DNAH5: variants seen among roughly 807,000 people sequenced by gnomAD.
The protein encoded by DNAH5 is axonemal beta dynein heavy chain 5.
DNAH5 carries 372 observed loss-of-function variants against 518.2 expected under a neutral mutation model. That is an observed-to-expected ratio of 0.72 (90% confidence interval 0.66 to 0.78). DNAH5 has a LOEUF of 0.78. Among genes scored for constraint, DNAH5 ranks in the 30% least tolerant of loss-of-function variants. DNAH5 has a pLI of 0.00. For synonymous variants in DNAH5, 2,039 were observed against 2,025.9 expected (o/e 1.01, Z -0.17); for missense variants, 5,523 against 5,687.0 (o/e 0.97, Z 0.93).
chr5:14,010,079 C>A (rs1329270407), intron 1 of DNAH5, among the ~76,000 whole-genome samples: 2 of 151,894 alleles, frequency 1.3e-5, no homozygotes, highest in Non-Finnish European at 2.9e-5. Context: ...ATTTATATAC[C>A]GTTTTTATTT....
intron 65 of DNAH5, among the ~76,000 whole-genome samples, chr5:13,748,386 T>C (rs1749720527): frequency 6.6e-6 from 1 of 152,184 alleles, no homozygotes; most frequent in African/African-American, 2.4e-5. Flanking sequence ...CCATATGAAC[T>C]TTAAAGTAGT....
chr5:13,954,512 A>G (rs549726636), intron 1 of DNAH5, among the ~76,000 whole-genome samples: 2 of 152,368 alleles, frequency 1.3e-5, no homozygotes, highest in African/African-American at 4.8e-5. Flanking sequence ...AAAAATTAGA[A>G]GGAAAAATGT....
intron 22 of DNAH5, among the ~76,000 whole-genome samples, 160 bp downstream of exon 22, chr5:13,876,524 T>C (rs141564698): frequency 1.3e-5 from 2 of 152,352 alleles, no homozygotes; most frequent in East Asian, 3.9e-4. Flanking sequence ...GAATGAAAGA[T>C]CTTCAGTTAG....
At chr5:13,930,803 T>C (rs1421095452) in intron 2 of DNAH5, among the ~76,000 whole-genome samples, 1 of 152,190 alleles carries the variant, frequency 6.6e-6, no homozygotes, top group Non-Finnish European at 1.5e-5. Flanking sequence ...GAAACGAGAT[T>C]CTGTTCCCCG....
chr5:13,753,127 C>T, intron 63 of DNAH5, 106 bp downstream of exon 63: 1 of 835,726 alleles, frequency 1.2e-6, no homozygotes, highest in Non-Finnish European at 2.0e-6. Flanking sequence ...CCTAGGATTA[C>T]AAAAACATCT....
chr5:13,724,417 G>A lies in DNAH5; in HGVS notation c.12033+3090C>T, dbSNP rs1396507311. The stretch of plus-strand genomic sequence containing the variant: ...ATTGTATCTTGGGAGTAAATAATGT[G>A]TTTTGATTTTACAGGCTCACAGGTG... On this transcript the variant is annotated intron_variant, in intron 70 of 78. Coordinates refer to ENST00000265104, the MANE Select transcript of DNAH5 (RefSeq NM_001369.3). Among the ~76,000 whole-genome samples, 6 of 152,276 alleles carry A rather than the reference G, an allele frequency of 3.9e-5. No individual in the cohort carries two copies. The East Asian group carries it at 1.2e-3, about 29-fold the overall frequency.
rs754172587 is a variant in DNAH5, at chr5:13,900,427, C to G, written c.2053-15G>C. 6.2e-7 allele frequency: 1 copy of G among 1,601,472 alleles called. No individual in the cohort carries two copies. The highest frequency in any genetic ancestry group is 8.6e-7 in the Non-Finnish European group (1 of 1,168,612). On this transcript the variant is annotated splice_polypyrimidine_tract_variant and intron_variant, in intron 14 of 78. Transcript: ENST00000265104. ...ATTTCTTCAATCTGTGGGAAGAAACCAACATCATTACTATCAGAAAGTTCA... is the reference window on the plus strand; with the variant it reads ...ATTTCTTCAATCTGTGGGAAGAAACGAACATCATTACTATCAGAAAGTTCA...
rs149093149 is a variant in DNAH5, at chr5:13,734,108, GC to G, written c.11761+1022del. Among the ~76,000 whole-genome samples the G allele has an allele frequency of 6.6e-3, 1,006 of 152,218 alleles. 15 individuals are homozygous for G. Among genetic ancestry groups the G allele is most frequent in the African/African-American group, 0.023 (937 of 41,534 alleles). On this transcript the variant is annotated intron_variant, in intron 68 of 78. Coordinates refer to ENST00000265104, the MANE Select transcript of DNAH5 (RefSeq NM_001369.3). ...GATTAGATGAGGTCATGAAGGTGGA[GC>G]CCTTAGGAATGAGATTAGTGCCCTT...
intron 76 of DNAH5, among the ~76,000 whole-genome samples, chr5:13,706,147 T>C (rs922487878): frequency 1.3e-5 from 2 of 152,230 alleles, no homozygotes; most frequent in East Asian, 1.9e-4. Flanking sequence ...GGCCTACTCC[T>C]GGCAATTGAA....
At chr5:13,811,109 G>A (rs186533147) in intron 44 of DNAH5, among the ~76,000 whole-genome samples, 22 of 152,310 alleles carry the variant, frequency 1.4e-4, no homozygotes, top group African/African-American at 5.1e-4. Flanking sequence ...GTGAGGAAAT[G>A]GGGATGATGA....
At chr5:13,733,954 T>C (rs1224397582) in intron 68 of DNAH5, among the ~76,000 whole-genome samples, 1 of 152,084 alleles carries the variant, frequency 6.6e-6, no homozygotes, top group Non-Finnish European at 1.5e-5. Context: ...TAGATGAATC[T>C]ATTTAGACCC....
At chr5:13,960,938 G>A (rs185587512) in intron 1 of DNAH5, among the ~76,000 whole-genome samples, 81 of 152,306 alleles carry the variant, frequency 5.3e-4, no homozygotes, top group African/African-American at 1.7e-3. Flanking sequence ...ACTGGAAAAG[G>A]CTGCAATAGC....
At chr5:13,806,004 C>G (rs1299277664) in intron 47 of DNAH5, among the ~76,000 whole-genome samples, 1 of 152,134 alleles carries the variant, frequency 6.6e-6, no homozygotes, top group East Asian at 1.9e-4. Context: ...TTCATACAGT[C>G]TCATGAAGTG....
Position 13,859,576 on chromosome 5 carries a change from T to G in DNAH5, c.4826A>C (p.Gln1609Pro). ...RYNMPFKAQI[Q>P]KWVQYLSNST... ...GTTGGAAAGGTACTGCACCCATTTT[T>G]GAATCTGGGCTTTGAATGGCATATT... Residue 1609 changes from glutamine to proline, a missense_variant, in exon 30 of 79, where the codon CAA becomes CCA. This residue lies in a region of DNAH5 where 5,121 missense variants were observed against 5,223.3 expected (regional missense o/e 0.98). Coordinates refer to ENST00000265104, the MANE Select transcript of DNAH5 (RefSeq NM_001369.3). 6.2e-7 allele frequency: 1 copy of G among 1,614,154 alleles called. No individual in the cohort carries two copies. The highest frequency in any genetic ancestry group is 8.5e-7 in the Non-Finnish European group (1 of 1,179,982).
intron 71 of DNAH5, among the ~76,000 whole-genome samples, chr5:13,720,460 G>A (rs957989093): frequency 6.6e-6 from 1 of 152,186 alleles, no homozygotes; most frequent in Non-Finnish European, 1.5e-5. Context: ...TGCAGTGACT[G>A]CAGCCTCTAC....
intron 1 of DNAH5, among the ~76,000 whole-genome samples, chr5:13,970,160 C>T (rs1024263574): frequency 1.3e-5 from 2 of 152,134 alleles, no homozygotes; most frequent in African/African-American, 4.8e-5. Flanking sequence ...TTTTCCACCC[C>T]TTTACCTTAA....
chr5:13,877,202 C>A (rs552551167), intron 21 of DNAH5, among the ~76,000 whole-genome samples: 1 of 152,266 alleles, frequency 6.6e-6, no homozygotes, highest in Admixed American at 6.5e-5. Flanking sequence ...GAAGGGCCAG[C>A]CTGGGCTTGG....
At chr5:13,885,566 G>A (rs1012469329) in intron 18 of DNAH5, among the ~76,000 whole-genome samples, 6 of 152,158 alleles carry the variant, frequency 3.9e-5, no homozygotes, top group South Asian at 2.1e-4. Context: ...ACTTTGGGGG[G>A]ATAATTTCCC....
In DNAH5 at chr5:13,931,214, G is replaced by T. The variant is rs114220185; in HGVS notation, c.88C>A (p.Arg30=). 309 of 1,614,086 alleles carry T rather than the reference G, an allele frequency of 1.9e-4. 2 individuals are homozygous for T. In the South Asian group the frequency reaches 3.1e-3, roughly 16 times the overall value. ...QRLKGEKEAK[R]ALLDARHNYL... ...TTATGCCTCGCATCCAAAAGAGCCC[G>T]CTTGGCTTCCTTCTCTCCCTTCAGT... Residue 30 remains arginine, a synonymous_variant, in exon 2 of 79, where the codon CGG becomes AGG. Transcript: ENST00000265104.
Sources: gnomAD v4.1 joint callset for allele counts (sites outside exome capture counted in the v4.1 genomes callset) on GRCh38, gnomAD v4.1.1 for gene constraint, gnomAD v4.1.1 regional missense constraint, MANE v1.5 for transcripts, NCBI Gene and HGNC (gene_info 2026-07-23, HGNC 2026-07-21) for gene names.